KHDRBS3: variants seen among roughly 807,000 people sequenced by gnomAD.
KHDRBS3 encodes the protein KH domain-containing, RNA-binding, signal transduction-associated protein 3.
Under a neutral mutation model 45.6 loss-of-function variants are expected in KHDRBS3, and 23 were observed. The ratio of observed to expected loss-of-function variants is 0.50; its 90% CI spans 0.36 to 0.72. The LOEUF is 0.72. KHDRBS3 is among the 30% of genes least tolerant of loss of function. The pLI is 0.00. For synonymous variants in KHDRBS3, 162 were observed against 156.5 expected (o/e 1.04, Z -0.26); for missense variants, 352 against 424.8 (o/e 0.83, Z 1.51).
In KHDRBS3 at chr8:135,592,779, A is replaced by T. The variant is rs745797161; in HGVS notation, c.807+10706A>T. ...GAACTCTGGTTATATAGCATCTTCC[A>T]TAAGGAACAGTAAATTTTTGCAGAA... is the stretch of plus-strand genomic sequence containing the variant. On this transcript the variant is annotated intron_variant, in intron 6 of 8. Coordinates refer to ENST00000355849, the MANE Select transcript of KHDRBS3 (RefSeq NM_006558.3). 4.2e-4 allele frequency among the ~76,000 whole-genome samples: 64 copies of T among 152,188 alleles called. 1 individual carries two copies. The highest frequency in any genetic ancestry group is 7.3e-5 in the Non-Finnish European group (5 of 68,030).
chr8:135,549,846 C>T (rs1426359109), intron 4 of KHDRBS3: 4 of 152,114 alleles, frequency 2.6e-5, no homozygotes, highest in Admixed American at 6.5e-5. Context: ...ATATTTAAAT[C>T]ACTTTTGCCT....
rs778490341 is a variant in KHDRBS3 at position 135,521,245 on chromosome 8, A to G, written c.97A>G (p.Lys33Glu). ...ALRLVNQEIE[K>E]FQKGEGKDEE... ...TCTTTTTGCCTCCACAGAAATAGAA[A>G]AGTTTCAAAAAGGAGAAGGCAAGGA... Residue 33 changes from lysine (K) to glutamate (E), a missense_variant, in exon 2 of 9, where the codon AAG becomes GAG. This residue lies in a region of KHDRBS3 where 58 missense variants were observed against 64.5 expected (regional missense o/e 0.90). Transcript: ENST00000355849. 3.7e-6 allele frequency: 6 copies of G among 1,605,074 alleles called. No homozygotes were observed. Among genetic ancestry groups the G allele is most frequent in the Non-Finnish European group, 5.1e-6 (6 of 1,172,000 alleles).
intron 7 of KHDRBS3, among the ~76,000 whole-genome samples, chr8:135,644,193 G>C (rs1831187180): frequency 6.6e-6 from 1 of 152,152 alleles, no homozygotes; most frequent in Non-Finnish European, 1.5e-5. Flanking sequence ...ATTATTCCTA[G>C]TTCAAATACA....
intron 1 of KHDRBS3, among the ~76,000 whole-genome samples, chr8:135,478,116 T>C (rs1319457366): frequency 1.3e-5 from 2 of 152,192 alleles, no homozygotes; most frequent in East Asian, 3.9e-4. Flanking sequence ...GGAAAAATTG[T>C]CTTCCATAAA....
At chr8:135,493,263 T>C (rs1211475898) in intron 1 of KHDRBS3, among the ~76,000 whole-genome samples, 1 of 152,076 alleles carries the variant, frequency 6.6e-6, no homozygotes, top group African/African-American at 2.4e-5. Flanking sequence ...AGTTTTTTTT[T>C]CTCCCAAATC....
intron 5 of KHDRBS3, among the ~76,000 whole-genome samples, chr8:135,574,481 G>A (rs562971393): frequency 6.6e-6 from 1 of 152,286 alleles, no homozygotes; most frequent in South Asian, 2.1e-4. Context: ...CAATGTCAAT[G>A]ATCGTGGAAG....
At chr8:135,564,425 T>A (rs760171499) in intron 5 of KHDRBS3, among the ~76,000 whole-genome samples, 1 of 152,236 alleles carries the variant, frequency 6.6e-6, no homozygotes, top group Non-Finnish European at 1.5e-5. Flanking sequence ...ATAATGTGTA[T>A]TATTTTTCAA....
At chr8:135,630,455 A>G (rs148438749) in intron 7 of KHDRBS3, among the ~76,000 whole-genome samples, 94 of 147,638 alleles carry the variant, frequency 6.4e-4, no homozygotes, top group Admixed American at 1.7e-3. Flanking sequence ...ATGGGGTAAT[A>G]TCTACCCACA....
intron 1 of KHDRBS3, among the ~76,000 whole-genome samples, chr8:135,472,249 G>A (rs1480279238): frequency 2.6e-5 from 4 of 152,124 alleles, no homozygotes; most frequent in East Asian, 1.9e-4. Flanking sequence ...TCAGTTGGAG[G>A]TACCCCTCTG....
At chr8:135,545,252 C>T (rs1444158417) in intron 3 of KHDRBS3, among the ~76,000 whole-genome samples, 2 of 151,936 alleles carry the variant, frequency 1.3e-5, no homozygotes, top group African/African-American at 4.8e-5. Flanking sequence ...AGAGATTGAT[C>T]GTAGGCCAGG....
intron 1 of KHDRBS3, among the ~76,000 whole-genome samples, chr8:135,467,477 T>C (rs1350254534): frequency 6.6e-6 from 1 of 152,256 alleles, no homozygotes; most frequent in Non-Finnish European, 1.5e-5. Flanking sequence ...TTTCGTGTAG[T>C]GTCAGGCCTC....
intron 1 of KHDRBS3, among the ~76,000 whole-genome samples, chr8:135,462,795 G>A (rs12679393): frequency 0.09 from 13,673 of 152,054 alleles, 815 homozygotes; most frequent in East Asian, 0.19. Context: ...TCTTTTACAG[G>A]TCCATTGTTC....
At chr8:135,518,438 T>C (rs745998212) in intron 1 of KHDRBS3, among the ~76,000 whole-genome samples, 4 of 152,118 alleles carry the variant, frequency 2.6e-5, no homozygotes, top group Non-Finnish European at 4.4e-5. Flanking sequence ...CCTCCCAAAG[T>C]ACTGGGATTA....
chr8:135,498,145 TAC>T (rs2130481863), intron 1 of KHDRBS3, among the ~76,000 whole-genome samples: 1 of 152,062 alleles, frequency 6.6e-6, no homozygotes, highest in African/African-American at 2.4e-5. Context: ...AAAAAAAAAA[TAC>T]AGTTCTATCT....
chr8:135,544,147 C>T (rs1826177083), intron 3 of KHDRBS3, among the ~76,000 whole-genome samples: 1 of 152,142 alleles, frequency 6.6e-6, no homozygotes, highest in Non-Finnish European at 1.5e-5. Context: ...TCTAATAAGG[C>T]CATCTGGTAA....
chr8:135,567,198 G>A (rs968436011), intron 5 of KHDRBS3, among the ~76,000 whole-genome samples: 5 of 151,866 alleles, frequency 3.3e-5, no homozygotes, highest in African/African-American at 1.2e-4. Flanking sequence ...ATTGTTAATA[G>A]CACTATTAAC....
At chr8:135,600,215 T>G (rs967399915) in intron 6 of KHDRBS3, among the ~76,000 whole-genome samples, 4 of 152,028 alleles carry the variant, frequency 2.6e-5, no homozygotes, top group Non-Finnish European at 5.9e-5. Flanking sequence ...GAGTGCAGAG[T>G]GGAGATTTTA....
chr8:135,499,691 G>A (rs1357728485), intron 1 of KHDRBS3, among the ~76,000 whole-genome samples: 2 of 152,138 alleles, frequency 1.3e-5, no homozygotes, highest in Admixed American at 1.3e-4. Context: ...CACTCTAGAA[G>A]CATCAGAATG....
At chr8:135,550,258 C>A (rs1826521396) in intron 4 of KHDRBS3, among the ~76,000 whole-genome samples, 1 of 152,104 alleles carries the variant, frequency 6.6e-6, no homozygotes, top group South Asian at 2.1e-4. Context: ...CGATCCTTCC[C>A]CAGAGGTAGA....
Sources: gnomAD v4.1 joint callset for allele counts (sites outside exome capture counted in the v4.1 genomes callset) on GRCh38, gnomAD v4.1.1 for gene constraint, gnomAD v4.1.1 regional missense constraint, MANE v1.5 for transcripts, NCBI Gene and HGNC (gene_info 2026-07-23, HGNC 2026-07-21) for gene names.